The following SLC10A1 variants were observed in gnomAD, a reference collection of about 807,000 sequenced individuals.
The protein encoded by SLC10A1 is hepatic sodium/bile acid cotransporter.
SLC10A1 carries 36 observed loss-of-function variants against 20.5 expected under a neutral mutation model. The ratio of observed to expected loss-of-function variants is 1.75; its 90% CI spans 1.34 to 2.32. The LOEUF is 2.32. Among genes scored for constraint, SLC10A1 ranks in the 30% most tolerant of loss-of-function variants. The probability of loss-of-function intolerance (pLI) is 0.00; values close to 1 mark genes in which losing one functional copy is unlikely to be tolerated. For synonymous variants in SLC10A1, 188 were observed against 163.6 expected (o/e 1.15, Z -1.14); for missense variants, 545 against 439.1 (o/e 1.24, Z -2.16).
intron 1 of SLC10A1, 27 bp from the exon 2 acceptor site, chr14:69,786,334 G>C: frequency 6.3e-7 from 1 of 1,587,316 alleles, no homozygotes; most frequent in South Asian, 1.1e-5. Context: ...GAAGAGGGGA[G>C]AGAGAGAGAG....
chr14:69,795,467 G>A (rs572902024), intron 1 of SLC10A1, among the ~76,000 whole-genome samples: 168 of 148,430 alleles, frequency 1.1e-3, no homozygotes, highest in African/African-American at 4.0e-3. Context: ...GTGCAGTGGT[G>A]TGATCATGAC....
In SLC10A1 at chr14:69,778,278, G is replaced by T; in HGVS notation, c.943+55C>A. The T allele has an allele frequency of 2.1e-6, 3 of 1,433,090 alleles. No individual in the cohort carries two copies. In the South Asian group the frequency reaches 4.2e-5, roughly 20 times the overall value. The allele number at this position is 1,433,090 out of a possible 1,614,324, so 88.8% of individuals were successfully genotyped here. On this transcript the variant is annotated intron_variant, in intron 4 of 4. Coordinates refer to ENST00000216540, the MANE Select transcript of SLC10A1 (RefSeq NM_003049.4). ...CCTGCTAGAAACTTGCTTGTTGGCAGGCTCAGGTCTAATATTGGAGCAGAA... is the reference window on the plus strand; with the variant it reads ...CCTGCTAGAAACTTGCTTGTTGGCATGCTCAGGTCTAATATTGGAGCAGAA...
chr14:69,796,907 G>A lies in SLC10A1; in HGVS notation c.249C>T (p.Phe83=). Residue 83 remains phenylalanine (F), a synonymous_variant, in exon 1 of 5, where the codon TTC becomes TTT. Transcript: ENST00000216540. ...CCAGTGCCTCAATGTTCTTCAGCCG[G>A]AAGACCTTGCCCAGCACAAAGGCCG... ...PLTAFVLGKV[F]RLKNIEALAI... 2 of 1,614,210 alleles carry A rather than the reference G, an allele frequency of 1.2e-6. No homozygotes were observed. The highest frequency in any genetic ancestry group is 1.7e-6 in the Non-Finnish European group (2 of 1,180,010).
Position 69,776,341 on chromosome 14 carries a change from G to T in SLC10A1, c.991C>A (p.Pro331Thr). 1 of 1,613,908 alleles carries T rather than the reference G, an allele frequency of 6.2e-7. No homozygotes were observed. The highest frequency in any genetic ancestry group is 8.5e-7 in the Non-Finnish European group (1 of 1,180,002). ...TAGGTGCCATTTCCCAGAGCTCCTG[G>T]AATTGTTTCTTCAGTTGTGGCAGCT... The part of the protein sequence containing the change: ...YTAATTEETI[P>T]GALGNGTYKG... The change falls in exon 5 of 5, where the codon CCA becomes ACA. Residue 331 changes from proline to threonine, a missense_variant. By Grantham distance (38) the Pro-to-Thr change is conservative. Coordinates refer to ENST00000216540, the MANE Select transcript of SLC10A1 (RefSeq NM_003049.4).
chr14:69,785,390 A>G (rs1227853199), intron 2 of SLC10A1, among the ~76,000 whole-genome samples: 1 of 152,136 alleles, frequency 6.6e-6, no homozygotes, highest in Non-Finnish European at 1.5e-5. Context: ...CACATCAGCC[A>G]AATTTGCCCT....
chr14:69,778,225 TAAG>T, intron 4 of SLC10A1, 105 bp downstream of exon 4: 5 of 865,410 alleles, frequency 5.8e-6, no homozygotes, highest in Non-Finnish European at 8.8e-6. Context: ...AGTGACTTGA[TAAG>T]AGTTAAAGCC....
chr14:69,775,455 A>G lies in SLC10A1; in HGVS notation c.*827T>C, dbSNP rs976837140. 1 of 152,246 alleles carries G rather than the reference A, an allele frequency of 6.6e-6. No individual in the cohort carries two copies. The highest frequency in any genetic ancestry group is 2.4e-5 in the African/African-American group (1 of 41,458). 9.4% of individuals were successfully genotyped at this position (152,246 alleles called of 1,614,324 possible). The stretch of plus-strand genomic sequence containing the variant: ...TTTAAATTTTATTAGAGACAATTTG[A>G]AATTTGTGAATTCTAGGTATTTGAA... On this transcript the variant is annotated 3_prime_UTR_variant, in exon 5 of 5. Coordinates refer to ENST00000216540, the MANE Select transcript of SLC10A1 (RefSeq NM_003049.4).
chr14:69,786,316 AGACAT>A lies in SLC10A1; in HGVS notation c.357-14_357-10del. 6.2e-7 allele frequency: 1 copy of A among 1,611,536 alleles called. No homozygotes were observed. The highest frequency in any genetic ancestry group is 8.5e-7 in the Non-Finnish European group (1 of 1,177,738). ...AGGTGGTCATCACAATGCTGGTGGG[AGACAT>A]GGGAAGAGGGGAGAGAGAGAGAGCC... On this transcript the variant is annotated splice_polypyrimidine_tract_variant and intron_variant, in intron 1 of 4. Transcript: ENST00000216540.
intron 1 of SLC10A1, 98 bp from the exon 2 acceptor site, chr14:69,786,405 CAT>C (rs1452293744): frequency 2.3e-5 from 21 of 900,816 alleles, no homozygotes; most frequent in Admixed American, 2.3e-4. Flanking sequence ...AAGTGCTTGA[CAT>C]ATGTGGCTTC....
At chr14:69,778,877 C>G (rs955448303) in intron 3 of SLC10A1, among the ~76,000 whole-genome samples, 2 of 152,116 alleles carry the variant, frequency 1.3e-5, no homozygotes, top group Non-Finnish European at 2.9e-5. Context: ...AAAATAATAC[C>G]TATCTCCAGG....
chr14:69,779,114 ATG>A, intron 3 of SLC10A1, 66 bp downstream of exon 3: 1 of 1,207,212 alleles, frequency 8.3e-7, no homozygotes, highest in Non-Finnish European at 1.1e-6. Flanking sequence ...TGAGCTGAGA[ATG>A]TGCTACTCCC....
In SLC10A1 at chr14:69,786,190, G is replaced by T. The variant is rs201690660; in HGVS notation, c.474C>A (p.Gly158=). 6.2e-6 allele frequency: 10 copies of T among 1,614,006 alleles called. No individual in the cohort carries two copies. In the Admixed American group the frequency reaches 1.2e-4, roughly 19 times the overall value. The change falls in exon 2 of 5, where the codon GGC becomes GGA. Residue 158 remains glycine (G), a synonymous_variant. Transcript: ENST00000216540. The stretch of plus-strand genomic sequence containing the variant: ...GAACCAGGACCAGTGATATCACGAT[G>T]CCTTTATAGGGCACCTTGTCCTTCA... ...GDLKDKVPYK[G]IVISLVLVLI...
At position 69,796,873 on chromosome 14, in the gene SLC10A1, C is replaced by T. The variant is rs1050593691; in HGVS notation, c.283G>A (p.Val95Ile). ...LKNIEALAIL[V>I]CGCSPGGNLS... ...TTCCCTCCAGGTGAGCAGCCACAGA[C>T]CAAGATGGCCAGTGCCTCAATGTTC... is the stretch of plus-strand genomic sequence containing the variant. Residue 95 changes from valine to isoleucine, a missense_variant, in exon 1 of 5, where the codon GTC (valine) becomes ATC (isoleucine). Transcript: ENST00000216540. 3 of 1,614,230 alleles carry T rather than the reference C, an allele frequency of 1.9e-6. No homozygotes were observed. Among genetic ancestry groups the T allele is most frequent in the Non-Finnish European group, 1.7e-6 (2 of 1,180,040 alleles).
At chr14:69,780,962 T>C (rs1883577446) in intron 2 of SLC10A1, among the ~76,000 whole-genome samples, 1 of 152,204 alleles carries the variant, frequency 6.6e-6, no homozygotes, top group Non-Finnish European at 1.5e-5. Context: ...TTCTTCTGTA[T>C]AGGCATTCAC....
chr14:69,779,467 A>C, intron 2 of SLC10A1, 107 bp from the exon 3 acceptor site: 1 of 774,478 alleles, frequency 1.3e-6, no homozygotes, highest in Non-Finnish European at 2.0e-6. Flanking sequence ...GCAATAAAAC[A>C]CTGGAAGTGG....
intron 1 of SLC10A1, among the ~76,000 whole-genome samples, chr14:69,791,953 A>ATT (rs1233147956): frequency 4.1e-5 from 6 of 144,616 alleles, no homozygotes; most frequent in Admixed American, 6.9e-5. Context: ...TAGACAGTAA[A>ATT]TTTTTTTTTT....
Position 69,779,186 on chromosome 14 carries a change from C to T in SLC10A1, c.742G>A (p.Gly248Arg). 6 of 1,589,052 alleles carry T rather than the reference C, an allele frequency of 3.8e-6. No homozygotes were observed. The highest frequency in any genetic ancestry group is 1.2e-5 in the South Asian group (1 of 86,262). Reference protein sequence around the residue: ...YVLSALFCLNGRCRRTVSMET... With the variant: ...YVLSALFCLNRRCRRTVSMET... ...AAAAAAAAAAAAAATACCTACCGTCCATTGAGGCAGAAGAGAGCAGAGAGA... is the reference window on the plus strand; with the variant it reads ...AAAAAAAAAAAAAATACCTACCGTCTATTGAGGCAGAAGAGAGCAGAGAGA... Residue 248 changes from glycine to arginine, a missense_variant, in exon 3 of 5, where the codon GGA (glycine) becomes AGA (arginine). By Grantham distance (125) the Gly-to-Arg change is moderately radical. Coordinates refer to ENST00000216540, the MANE Select transcript of SLC10A1 (RefSeq NM_003049.4).
At chr14:69,781,439 G>A (rs141203775) in intron 2 of SLC10A1, among the ~76,000 whole-genome samples, 1 of 152,302 alleles carries the variant, frequency 6.6e-6, no homozygotes, top group East Asian at 1.9e-4. Flanking sequence ...AAGGTGGCCC[G>A]CACAGGCTGG....
chr14:69,790,713 CAA>C (rs1594764377), intron 1 of SLC10A1, among the ~76,000 whole-genome samples: 2 of 151,760 alleles, frequency 1.3e-5, no homozygotes, highest in South Asian at 2.1e-4. Flanking sequence ...TTTTCTTTAA[CAA>C]GAGGAATAAA....
Sources: gnomAD v4.1 joint callset for allele counts (sites outside exome capture counted in the v4.1 genomes callset) on GRCh38, gnomAD v4.1.1 for gene constraint, MANE v1.5 for transcripts, NCBI Gene and HGNC (gene_info 2026-07-23, HGNC 2026-07-21) for gene names.